INPP4A: variants seen among roughly 807,000 people sequenced by gnomAD.
INPP4A encodes inositol polyphosphate-4-phosphatase, type I, 107kD.
In INPP4A, 33 loss-of-function variants were observed where a neutral mutation model predicts 119.8. That is an observed-to-expected ratio of 0.28 (90% CI 0.21 to 0.37). INPP4A has a LOEUF of 0.37. INPP4A is among the 10% of genes least tolerant of loss of function. The pLI is 1.00. For missense variants in INPP4A, 956 were observed against 1,289.9 expected, an observed-to-expected ratio of 0.74 and a Z score of 3.97; for synonymous variants, 496 against 500.7, an observed-to-expected ratio of 0.99 and a Z score of 0.12.
At chr2:98,553,046 A>G in intron 14 of INPP4A, 77 bp downstream of exon 14, 1 of 1,176,352 alleles carries the variant, frequency 8.5e-7, no homozygotes, top group African/African-American at 1.5e-5. Context: ...GCCCAGGTGT[A>G]CCTAAGATGG....
At chr2:98,477,026 A>G (rs1050323135) in intron 1 of INPP4A, among the ~76,000 whole-genome samples, 2 of 152,204 alleles carry the variant, frequency 1.3e-5, no homozygotes, top group African/African-American at 4.8e-5. Flanking sequence ...GAGTGGTAGT[A>G]GTAATAGTGG....
rs538165016 is a variant in INPP4A, at chr2:98,509,050, A to G, written c.-165-9914A>G. Among the ~76,000 whole-genome samples, 10 of 152,264 alleles carry G rather than the reference A, an allele frequency of 6.6e-5. No individual in the cohort carries two copies. In the East Asian group the frequency reaches 1.9e-3, roughly 29 times the overall value. On this transcript the variant is annotated intron_variant, in intron 1 of 24. Transcript: ENST00000409851. ...AGCAAGCCAGCCCCTCACCCAAGGGAAGGCTTCAGAAGAGGCTTGGCCCCC... is the reference window on the plus strand; with the variant it reads ...AGCAAGCCAGCCCCTCACCCAAGGGGAGGCTTCAGAAGAGGCTTGGCCCCC...
At chr2:98,517,830 A>G (rs1209386972) in intron 1 of INPP4A, among the ~76,000 whole-genome samples, 1 of 152,222 alleles carries the variant, frequency 6.6e-6, no homozygotes, top group Non-Finnish European at 1.5e-5. Context: ...TTTGATAATT[A>G]ATGCCAGATG....
At chr2:98,548,343 G>A (rs191512505) in intron 13 of INPP4A, among the ~76,000 whole-genome samples, 14 of 152,314 alleles carry the variant, frequency 9.2e-5, no homozygotes, top group African/African-American at 3.4e-4. Flanking sequence ...GCTGACTCCA[G>A]GTCCCTTTGG....
chr2:98,521,815 A>G (rs181798124), intron 4 of INPP4A: 52 of 152,058 alleles, frequency 3.4e-4, no homozygotes, highest in African/African-American at 1.1e-3. Flanking sequence ...ACACGCATGT[A>G]TTGCCAGCTA....
Position 98,592,759 on chromosome 2 carries a change from C to T in INPP4A, c.*5151C>T, listed in dbSNP as rs1161767915. On this transcript the variant is annotated 3_prime_UTR_variant, in exon 25 of 25. Transcript: ENST00000409851. ...TGGCTGCAACTGACCTCCTGATGCC[C>T]TGCTGACGCTAACTGTGGGTACCAA... is the stretch of plus-strand genomic sequence containing the variant. 6.6e-6 allele frequency: 1 copy of T among 152,438 alleles called. No homozygotes were observed. Among genetic ancestry groups the T allele is most frequent in the Admixed American group, 6.5e-5 (1 of 15,282 alleles). 9.4% of individuals were successfully genotyped at this position (152,438 alleles called of 1,614,324 possible).
intron 1 of INPP4A, among the ~76,000 whole-genome samples, chr2:98,485,637 A>G (rs1201710944): frequency 1.3e-5 from 2 of 152,036 alleles, no homozygotes; most frequent in Non-Finnish European, 2.9e-5. Flanking sequence ...CCCAGCTGAG[A>G]GTTCCTTTAT....
intron 1 of INPP4A, among the ~76,000 whole-genome samples, chr2:98,494,785 A>T (rs896737656): frequency 2.6e-5 from 4 of 152,254 alleles, no homozygotes; most frequent in African/African-American, 4.8e-5. Flanking sequence ...AAAGGTCTCC[A>T]TTTAATTAGA....
At chr2:98,522,023 C>T (rs1330450681) in intron 4 of INPP4A, among the ~76,000 whole-genome samples, 1 of 152,110 alleles carries the variant, frequency 6.6e-6, no homozygotes, top group African/African-American at 2.4e-5. Flanking sequence ...CATGGTGGCT[C>T]AATCCTGTAA....
At chr2:98,538,014 A>G in intron 8 of INPP4A, 40 bp downstream of exon 8, 2 of 1,343,668 alleles carry the variant, frequency 1.5e-6, no homozygotes, top group South Asian at 1.3e-5. Flanking sequence ...TAGAAAGAGC[A>G]AGGGAATTAA....
chr2:98,520,296 G>A (rs1686937991), intron 3 of INPP4A, 142 bp downstream of exon 3: 1 of 671,724 alleles, frequency 1.5e-6, no homozygotes, highest in East Asian at 2.8e-5. Flanking sequence ...CATCCTTCTG[G>A]TTGAACCAGG....
rs1559069226 is a variant in INPP4A, at chr2:98,555,934, G to A, written c.1822+126G>A. The stretch of plus-strand genomic sequence containing the variant: ...ACTGCAGGGAGGGCTGCCAGGTGGA[G>A]CGGGGGCGTCCCAGTGCATGGAGCA... On this transcript the variant is annotated intron_variant, in intron 16 of 24. Coordinates refer to ENST00000409851, the MANE Select transcript of INPP4A (RefSeq NM_001134225.2). The A allele has an allele frequency of 6.7e-6, 8 of 1,200,436 alleles. No homozygotes were observed. In the South Asian group the frequency reaches 1.1e-4, roughly 16 times the overall value. The allele number at this position is 1,200,436 out of a possible 1,614,324, so 74.4% of individuals were successfully genotyped here. A position where few individuals can be genotyped will look rare whatever the true frequency, so the allele number is the denominator to read the frequency against.
chr2:98,560,110 G>A (rs775347515), intron 17 of INPP4A, among the ~76,000 whole-genome samples: 14 of 152,150 alleles, frequency 9.2e-5, no homozygotes, highest in Non-Finnish European at 1.8e-4. Flanking sequence ...AATATTTACT[G>A]TCTAGCTCTT....
chr2:98,509,960 G>A (rs866599241), intron 1 of INPP4A, among the ~76,000 whole-genome samples: 5 of 152,202 alleles, frequency 3.3e-5, no homozygotes, highest in African/African-American at 1.2e-4. Context: ...CTTGTTATCT[G>A]AGGAAGGGCA....
intron 4 of INPP4A, among the ~76,000 whole-genome samples, chr2:98,528,671 A>T (rs1304451810): frequency 6.6e-6 from 1 of 152,250 alleles, no homozygotes; most frequent in Admixed American, 6.5e-5. Context: ...GTGACTTATC[A>T]TGTATAAGGG....
At chr2:98,556,873 A>G (rs1694587506) in intron 16 of INPP4A, among the ~76,000 whole-genome samples, 1 of 152,108 alleles carries the variant, frequency 6.6e-6, no homozygotes, top group East Asian at 1.9e-4. Context: ...CTCTCCATCT[A>G]TGGGGGATTA....
chr2:98,518,224 C>T (rs1033909646), intron 1 of INPP4A, among the ~76,000 whole-genome samples: 6 of 152,216 alleles, frequency 3.9e-5, no homozygotes, highest in African/African-American at 1.4e-4. Context: ...CAAATCTTCC[C>T]CTTGGTGATT....
At chr2:98,482,724 A>G (rs1025132514) in intron 1 of INPP4A, among the ~76,000 whole-genome samples, 17 of 152,252 alleles carry the variant, frequency 1.1e-4, no homozygotes, top group Admixed American at 3.9e-4. Context: ...GCAAAAAGAT[A>G]TATGTGTCCT....
Position 98,466,850 on chromosome 2 carries a change from C to T in INPP4A, c.-166+21765C>T, listed in dbSNP as rs559042844. ...TTGGGCAGTCCCTGAATAACTACAC[C>T]AGGCTTCTGAATGCCGAGTTTCTTA... On this transcript the variant is annotated intron_variant, in intron 1 of 24. Coordinates refer to ENST00000409851, the MANE Select transcript of INPP4A (RefSeq NM_001134225.2). Among the ~76,000 whole-genome samples the T allele has an allele frequency of 2.6e-5, 4 of 152,316 alleles. No homozygotes were observed. The East Asian group carries it at 7.7e-4, about 29-fold the overall frequency.
Sources: allele counts gnomAD v4.1 joint callset (sites outside exome capture counted in the v4.1 genomes callset), GRCh38; gene constraint gnomAD v4.1.1; transcripts MANE v1.5; gene names NCBI Gene and HGNC (gene_info 2026-07-23, HGNC 2026-07-21).